CNTNAP5: variants seen among roughly 807,000 people sequenced by gnomAD.
The protein encoded by CNTNAP5 is contactin-associated protein-like 5.
Under a neutral mutation model 150.2 loss-of-function variants are expected in CNTNAP5, and 72 were observed. That is an observed-to-expected ratio of 0.48 (90% CI 0.40 to 0.58). The LOEUF is 0.58. Among genes scored for constraint, CNTNAP5 ranks in the 20% least tolerant of loss-of-function variants. The probability of loss-of-function intolerance (pLI) is 0.00; values close to 1 mark genes in which losing one functional copy is unlikely to be tolerated. For missense variants in CNTNAP5, 1,636 were observed against 1,626.2 expected (o/e 1.01, Z -0.10); for synonymous variants, 672 against 619.8 (o/e 1.08, Z -1.25).
chr2:124,754,889 A>G (rs954765577), intron 14 of CNTNAP5, among the ~76,000 whole-genome samples: 1 of 151,970 alleles, frequency 6.6e-6, no homozygotes, highest in Non-Finnish European at 1.5e-5. Flanking sequence ...TTTGTGAGGT[A>G]CTTCAATGGA....
At chr2:124,160,788 G>C (rs188655715) in intron 1 of CNTNAP5, among the ~76,000 whole-genome samples, 78 of 152,190 alleles carry the variant, frequency 5.1e-4, no homozygotes, top group African/African-American at 1.8e-3. Flanking sequence ...TTTGTCACTT[G>C]GTTGGTTCTT....
rs1692482324 is a variant in CNTNAP5 at position 124,434,634 on chromosome 2, A to G, written c.680A>G (p.Asp227Gly). 6.2e-7 allele frequency: 1 copy of G among 1,613,690 alleles called. No homozygotes were observed. Among genetic ancestry groups the G allele is most frequent in the South Asian group, 1.1e-5 (1 of 91,078 alleles). Residue 227 changes from aspartate (D) to glycine (G), a missense_variant, in exon 5 of 24, where the codon GAC becomes GGC. Physicochemically the swap from Asp to Gly is moderately conservative, Grantham distance 94 (BLOSUM62 -1). Coordinates refer to ENST00000682447, the MANE Select transcript of CNTNAP5 (RefSeq NM_001367498.1). ...VLFHGEGQRG[D>G]HITLELQKGR... ...TTCCATGGAGAAGGTCAGCGTGGAGACCACATCACCTTGGAACTCCAGAAG... is the reference window on the plus strand; with the variant it reads ...TTCCATGGAGAAGGTCAGCGTGGAGGCCACATCACCTTGGAACTCCAGAAG...
intron 3 of CNTNAP5, among the ~76,000 whole-genome samples, chr2:124,360,250 G>T (rs1389091032): frequency 6.6e-6 from 1 of 151,496 alleles, no homozygotes; most frequent in Non-Finnish European, 1.5e-5. Flanking sequence ...TACAGCTCTT[G>T]ACTCTTTATC....
chr2:124,363,406 T>G (rs1156894265), intron 3 of CNTNAP5, among the ~76,000 whole-genome samples: 1 of 152,204 alleles, frequency 6.6e-6, no homozygotes, highest in Non-Finnish European at 1.5e-5. Context: ...CATCTCCCTG[T>G]GTCAAACTCA....
chr2:124,766,732 A>G (rs1362370486), intron 16 of CNTNAP5, among the ~76,000 whole-genome samples: 1 of 152,208 alleles, frequency 6.6e-6, no homozygotes, highest in Non-Finnish European at 1.5e-5. Context: ...CTTTTGATTC[A>G]TTAAAGCAGC....
intron 11 of CNTNAP5, among the ~76,000 whole-genome samples, chr2:124,603,008 TC>T (rs1203425244): frequency 7.7e-6 from 1 of 129,688 alleles, no homozygotes; most frequent in South Asian, 2.6e-4. Flanking sequence ...CCTCTCTCCC[TC>T]CCTCCCTCCC....
chr2:124,591,412 T>A (rs538232703), intron 11 of CNTNAP5, among the ~76,000 whole-genome samples: 8 of 152,258 alleles, frequency 5.3e-5, no homozygotes, highest in Non-Finnish European at 1.0e-4. Context: ...ATACAATTTT[T>A]AAGTTTAGCT....
chr2:124,065,827 TA>T (rs1484824394), intron 1 of CNTNAP5, among the ~76,000 whole-genome samples: 1 of 152,094 alleles, frequency 6.6e-6, no homozygotes, highest in Non-Finnish European at 1.5e-5. Flanking sequence ...AAATCAAAAG[TA>T]AAAAATCCAA....
At chr2:124,358,447 A>T (rs1690089786) in intron 3 of CNTNAP5, among the ~76,000 whole-genome samples, 1 of 152,216 alleles carries the variant, frequency 6.6e-6, no homozygotes. Context: ...GGTGTGTCAT[A>T]GATAGCTCTT....
At chr2:124,347,614 A>G (rs1407687913) in intron 3 of CNTNAP5, among the ~76,000 whole-genome samples, 2 of 152,148 alleles carry the variant, frequency 1.3e-5, no homozygotes, top group Non-Finnish European at 2.9e-5. Flanking sequence ...ATCCCTGTCT[A>G]TTGACACACG....
chr2:124,284,115 T>A (rs1245553299), intron 3 of CNTNAP5, among the ~76,000 whole-genome samples: 4 of 152,186 alleles, frequency 2.6e-5, no homozygotes, highest in African/African-American at 9.7e-5. Flanking sequence ...ATGTTCTAAA[T>A]GCCATGCTGA....
At chr2:124,564,427 C>T (rs1695966039) in intron 11 of CNTNAP5, among the ~76,000 whole-genome samples, 1 of 152,146 alleles carries the variant, frequency 6.6e-6, no homozygotes, top group African/African-American at 2.4e-5. Context: ...ACGATCTTGG[C>T]TCACTGGAAC....
At chr2:124,657,378 A>G (rs1346978750) in intron 13 of CNTNAP5, among the ~76,000 whole-genome samples, 1 of 151,916 alleles carries the variant, frequency 6.6e-6, no homozygotes. Flanking sequence ...TAAGACCAAA[A>G]CCTACGATTC....
intron 12 of CNTNAP5, among the ~76,000 whole-genome samples, chr2:124,637,825 T>C (rs1054550135): frequency 6.6e-6 from 1 of 152,148 alleles, no homozygotes. Flanking sequence ...TTAATTCTGC[T>C]CCAGTTTCTT....
chr2:124,493,713 C>G (rs574001724), intron 7 of CNTNAP5, among the ~76,000 whole-genome samples: 1 of 151,992 alleles, frequency 6.6e-6, no homozygotes, highest in African/African-American at 2.4e-5. Flanking sequence ...ATAAATATTA[C>G]TGATTAAATT....
At chr2:124,772,717 C>G in intron 16 of CNTNAP5, 82 bp from the exon 17 acceptor site, 1 of 1,009,020 alleles carries the variant, frequency 9.9e-7, no homozygotes, top group Non-Finnish European at 1.6e-6. Context: ...TACTGACTTA[C>G]AATCGTTTCT....
chr2:124,447,013 C>A, intron 6 of CNTNAP5, 76 bp downstream of exon 6: 1 of 1,412,472 alleles, frequency 7.1e-7, no homozygotes, highest in Non-Finnish European at 9.8e-7. Context: ...GTGAGCAGAC[C>A]AACTGAGAGA....
At chr2:124,161,604 C>T (rs75893234) in intron 1 of CNTNAP5, among the ~76,000 whole-genome samples, 7,863 of 152,222 alleles carry the variant, frequency 0.052, 425 homozygotes, top group East Asian at 0.24. Flanking sequence ...ATATTACTTA[C>T]TCATTTGAGT....
intron 11 of CNTNAP5, among the ~76,000 whole-genome samples, chr2:124,601,282 C>A (rs932264489): frequency 2.2e-4 from 34 of 152,164 alleles, no homozygotes; most frequent in African/African-American, 7.7e-4. Context: ...CACAGCCAAG[C>A]ATACATCCTC....
Sources: gnomAD v4.1 joint callset for allele counts (sites outside exome capture counted in the v4.1 genomes callset) on GRCh38, gnomAD v4.1.1 for gene constraint, MANE v1.5 for transcripts, NCBI Gene and HGNC (gene_info 2026-07-23, HGNC 2026-07-21) for gene names.